SEMA5A: variants seen among roughly 807,000 people sequenced by gnomAD.
SEMA5A encodes semaphorin-5A.
SEMA5A carries 55 observed loss-of-function variants against 135.5 expected under a neutral mutation model. The observed-to-expected ratio is 0.41, with a 90% CI of 0.33 to 0.51. The LOEUF is 0.51. SEMA5A is among the 20% of genes least tolerant of loss of function. The pLI is 0.37. For synonymous variants in SEMA5A, 580 were observed against 546.5 expected (o/e 1.06, Z -0.85); for missense variants, 1,290 against 1,419.9 (o/e 0.91, Z 1.47).
chr5:9,132,135 G>A (rs2150208471), intron 13 of SEMA5A, among the ~76,000 whole-genome samples: 1 of 152,258 alleles, frequency 6.6e-6, no homozygotes. Context: ...CTATTGCCCT[G>A]TCATCTGTAC....
intron 1 of SEMA5A, among the ~76,000 whole-genome samples, chr5:9,458,136 T>C (rs1175788786): frequency 6.6e-6 from 1 of 151,902 alleles, no homozygotes; most frequent in East Asian, 1.9e-4. Context: ...CTCGATCTCC[T>C]GACCTCGTGA....
At chr5:9,197,380 G>C in intron 9 of SEMA5A, 77 bp from the exon 10 acceptor site, 1 of 1,539,368 alleles carries the variant, frequency 6.5e-7, no homozygotes, top group Non-Finnish European at 8.8e-7. Context: ...GGACTGGGCA[G>C]CAGCTGTGAC....
intron 1 of SEMA5A, among the ~76,000 whole-genome samples, chr5:9,446,930 T>C (rs1758456047): frequency 6.6e-6 from 1 of 152,170 alleles, no homozygotes; most frequent in South Asian, 2.1e-4. Context: ...TTAAACCACA[T>C]CTGACACCAA....
intron 1 of SEMA5A, among the ~76,000 whole-genome samples, chr5:9,475,988 A>G (rs1759654093): frequency 6.6e-6 from 1 of 152,246 alleles, no homozygotes; most frequent in South Asian, 2.1e-4. Context: ...CCATGCATTA[A>G]TGATCAAAAA....
chr5:9,366,024 A>G (rs373123506), intron 3 of SEMA5A, among the ~76,000 whole-genome samples: 25 of 152,234 alleles, frequency 1.6e-4, no homozygotes, highest in African/African-American at 6.0e-4. Flanking sequence ...ATAAACCACA[A>G]TTAGACTAAC....
intron 1 of SEMA5A, among the ~76,000 whole-genome samples, chr5:9,531,685 C>T (rs950239668): frequency 1.3e-5 from 2 of 152,160 alleles, no homozygotes; most frequent in African/African-American, 2.4e-5. Context: ...GGTATCCATG[C>T]CAGGACAAGG....
intron 11 of SEMA5A, among the ~76,000 whole-genome samples, chr5:9,156,980 T>C (rs897919710): frequency 6.6e-6 from 1 of 152,254 alleles, no homozygotes; most frequent in African/African-American, 2.4e-5. Context: ...TATTTCTGCA[T>C]ACCTTGTATC....
intron 2 of SEMA5A, among the ~76,000 whole-genome samples, chr5:9,387,299 T>C (rs1755938428): frequency 6.6e-6 from 1 of 152,082 alleles, no homozygotes; most frequent in Non-Finnish European, 1.5e-5. Context: ...GTATCCTTAA[T>C]CTGTATTAAA....
chr5:9,122,633 C>A, intron 14 of SEMA5A, 23 bp downstream of exon 14: 1 of 1,523,690 alleles, frequency 6.6e-7, no homozygotes, highest in South Asian at 1.3e-5. Context: ...AGCAGCACAA[C>A]TGGCGTGTTC....
chr5:9,533,852 C>T (rs557147649), intron 1 of SEMA5A, among the ~76,000 whole-genome samples: 1 of 152,286 alleles, frequency 6.6e-6, no homozygotes, highest in South Asian at 2.1e-4. Flanking sequence ...TGAGCTGGAA[C>T]CCGTGGCCCC....
intron 16 of SEMA5A, among the ~76,000 whole-genome samples, chr5:9,081,164 C>T (rs1738362207): frequency 6.6e-6 from 1 of 152,138 alleles, no homozygotes; most frequent in African/African-American, 2.4e-5. Flanking sequence ...CCTAAAACTA[C>T]AGGCAACTAA....
intron 6 of SEMA5A, among the ~76,000 whole-genome samples, chr5:9,236,592 T>C (rs1389416301): frequency 6.6e-6 from 1 of 152,222 alleles, no homozygotes; most frequent in African/African-American, 2.4e-5. Flanking sequence ...TATTTATTTA[T>C]TTTGGGGAGC....
chr5:9,069,272 G>A (rs1312221950), intron 16 of SEMA5A, among the ~76,000 whole-genome samples: 5 of 152,304 alleles, frequency 3.3e-5, no homozygotes, highest in South Asian at 2.1e-4. Context: ...TTGCGAGCAG[G>A]CCTTTCTAAG....
At chr5:9,462,028 G>A (rs1368035279) in intron 1 of SEMA5A, among the ~76,000 whole-genome samples, 1 of 152,202 alleles carries the variant, frequency 6.6e-6, no homozygotes, top group East Asian at 1.9e-4. Context: ...TACATCCATT[G>A]TTAGGATGGT....
chr5:9,254,610 T>C (rs1748968083), intron 5 of SEMA5A, among the ~76,000 whole-genome samples: 1 of 151,992 alleles, frequency 6.6e-6, no homozygotes, highest in African/African-American at 2.4e-5. Flanking sequence ...ATACAGGATA[T>C]TGTTTGAAAA....
At chr5:9,318,800 T>A (rs940110414) in intron 4 of SEMA5A, among the ~76,000 whole-genome samples, 1 of 152,234 alleles carries the variant, frequency 6.6e-6, no homozygotes, top group African/African-American at 2.4e-5. Flanking sequence ...AATTATCACC[T>A]AAATTCACCA....
At chr5:9,508,575 C>T (rs1038485866) in intron 1 of SEMA5A, among the ~76,000 whole-genome samples, 1 of 152,192 alleles carries the variant, frequency 6.6e-6, no homozygotes, top group Non-Finnish European at 1.5e-5. Context: ...ACACTCCTTT[C>T]AACATGCAGC....
At chr5:9,212,376 A>G (rs561087328) in intron 8 of SEMA5A, among the ~76,000 whole-genome samples, 8 of 152,354 alleles carry the variant, frequency 5.3e-5, no homozygotes, top group African/African-American at 1.9e-4. Flanking sequence ...CTGTTAAGGT[A>G]TTTCTCTAAA....
chr5:9,193,482 C>A (rs1450034849), intron 10 of SEMA5A, among the ~76,000 whole-genome samples: 3 of 152,172 alleles, frequency 2.0e-5, no homozygotes, highest in Admixed American at 6.5e-5. Context: ...TCTAGGACAA[C>A]AAATCCATTC....
Sources: allele counts gnomAD v4.1 joint callset (sites outside exome capture counted in the v4.1 genomes callset), GRCh38; gene constraint gnomAD v4.1.1; transcripts MANE v1.5; gene names NCBI Gene and HGNC (gene_info 2026-07-23, HGNC 2026-07-21).